Variants in AFF1 observed in about 807,000 individuals in gnomAD.
AFF1 encodes the protein AF4/FMR2 family member 1.
In AFF1, 48 loss-of-function variants were observed where a neutral mutation model predicts 121.7. The observed-to-expected ratio is 0.39, with a 90% CI of 0.31 to 0.50. The LOEUF (loss-of-function observed/expected upper bound fraction) is 0.50. AFF1 is among the 20% of genes least tolerant of loss of function. The pLI, the probability that AFF1 is intolerant of heterozygous loss-of-function variation, is 0.76. For synonymous variants in AFF1, 613 were observed against 563.0 expected, an observed-to-expected ratio of 1.09 and a Z score of -1.26; for missense variants, 1,523 against 1,511.7, an observed-to-expected ratio of 1.01 and a Z score of -0.12.
intron 2 of AFF1, among the ~76,000 whole-genome samples, chr4:87,012,114 A>G (rs574391841): frequency 1.1e-4 from 16 of 152,262 alleles, no homozygotes; most frequent in Admixed American, 5.9e-4. Context: ...TATTTTTTAC[A>G]TAATACCTGT....
intron 2 of AFF1, among the ~76,000 whole-genome samples, chr4:86,993,331 A>C (rs1289758518): frequency 6.6e-6 from 1 of 152,212 alleles, no homozygotes; most frequent in African/African-American, 2.4e-5. Context: ...TTTACTGATC[A>C]TTGTGGCTTG....
intron 2 of AFF1, among the ~76,000 whole-genome samples, chr4:87,012,494 A>G: frequency 6.6e-6 from 1 of 152,204 alleles, no homozygotes; most frequent in Non-Finnish European, 1.5e-5. Context: ...CGTTTTATTG[A>G]TATAGAGTGA....
intron 4 of AFF1, among the ~76,000 whole-genome samples, chr4:87,058,758 A>T (rs1315462828): frequency 1.3e-5 from 2 of 152,064 alleles, no homozygotes; most frequent in Non-Finnish European, 2.9e-5. Context: ...CCACAGCAAA[A>T]GCTCTGGAGA....
intron 2 of AFF1, among the ~76,000 whole-genome samples, chr4:87,037,439 G>A (rs1289471873): frequency 6.6e-6 from 1 of 152,084 alleles, no homozygotes; most frequent in Non-Finnish European, 1.5e-5. Flanking sequence ...AGCCTTCTGA[G>A]TAGCTGGGAT....
intron 14 of AFF1, 46 bp from the exon 15 acceptor site, chr4:87,126,980 T>C: frequency 6.6e-7 from 1 of 1,521,444 alleles, no homozygotes; most frequent in African/African-American, 1.4e-5. Context: ...AGGACAGTGG[T>C]CTTAAATGTT....
intron 1 of AFF1, chr4:86,936,035 G>A (rs1719957435): frequency 6.6e-6 from 1 of 152,144 alleles, no homozygotes; most frequent in Admixed American, 6.6e-5. Flanking sequence ...GGGCCTGCGG[G>A]CGGTTCGATA....
chr4:86,983,456 G>T (rs187602412), intron 2 of AFF1, among the ~76,000 whole-genome samples: 1 of 152,228 alleles, frequency 6.6e-6, no homozygotes, highest in African/African-American at 2.4e-5. Flanking sequence ...AACCCAGGAG[G>T]AGGCAGAGGT....
chr4:87,115,625 T>TTTTTTTTTC lies in AFF1; in HGVS notation c.2466+326_2466+327insTTTTTTTTC, dbSNP rs397994396. On this transcript the variant is annotated intron_variant, in intron 12 of 20. Coordinates refer to ENST00000395146, the MANE Select transcript of AFF1 (RefSeq NM_001166693.3). ...AACCCACCTCTTTTTTTTTTTTTTT[T>TTTTTTTTTC]CCAAAGACAGGCCCTTGCTCTGTTG... Among the ~76,000 whole-genome samples, 362 of 103,016 alleles carry TTTTTTTTTC rather than the reference T, an allele frequency of 3.5e-3. 12 individuals carry two copies. Among genetic ancestry groups the TTTTTTTTTC allele is most frequent in the African/African-American group, 9.8e-3 (298 of 30,330 alleles). 67.6% of individuals were successfully genotyped at this position (103,016 alleles called of 152,430 possible).
At chr4:86,990,795 ATATT>A (rs1485068917) in intron 2 of AFF1, among the ~76,000 whole-genome samples, 18 of 152,240 alleles carry the variant, frequency 1.2e-4, no homozygotes, top group African/African-American at 3.9e-4. Flanking sequence ...TGGGTGGAAA[ATATT>A]TATTTATTAT....
At chr4:86,993,487 A>T (rs1724886801) in intron 2 of AFF1, among the ~76,000 whole-genome samples, 1 of 152,200 alleles carries the variant, frequency 6.6e-6, no homozygotes, top group Non-Finnish European at 1.5e-5. Context: ...AGGGCAGGAA[A>T]AGCCCATAAC....
intron 2 of AFF1, among the ~76,000 whole-genome samples, chr4:87,039,651 G>A (rs1729908882): frequency 6.6e-6 from 1 of 152,212 alleles, no homozygotes; most frequent in African/African-American, 2.4e-5. Flanking sequence ...AAATGTGGAG[G>A]AGGTGGCTTG....
In AFF1 at chr4:87,138,465, G is replaced by C. The variant is rs10029915; in HGVS notation, c.*2764G>C. 0.2 allele frequency: 46,622 copies of C among 232,036 alleles called. 5,463 individuals are homozygous for C. The highest frequency in any genetic ancestry group is 0.4 in the East Asian group (6,506 of 16,436). The allele number at this position is 232,036 out of a possible 1,614,324, so 14.4% of individuals were successfully genotyped here. On this transcript the variant is annotated 3_prime_UTR_variant, in exon 21 of 21. Coordinates refer to ENST00000395146, the MANE Select transcript of AFF1 (RefSeq NM_001166693.3). ...GCATCTTAAGGAGTGAAAATAGAGT[G>C]TAAATCTTGCCTTTGGCACTACAAG...
chr4:87,024,004 G>A (rs1728280742), intron 2 of AFF1, among the ~76,000 whole-genome samples: 1 of 152,118 alleles, frequency 6.6e-6, no homozygotes, highest in Admixed American at 6.5e-5. Context: ...TATGGTAATA[G>A]CAGTCTTTTA....
At chr4:87,007,625 GGA>G (rs1320703043) in intron 2 of AFF1, among the ~76,000 whole-genome samples, 1 of 152,176 alleles carries the variant, frequency 6.6e-6, no homozygotes, top group Non-Finnish European at 1.5e-5. Flanking sequence ...TCTGCACAGC[GGA>G]GAGAGGGATG....
chr4:86,960,934 A>G (rs941150136), intron 2 of AFF1, among the ~76,000 whole-genome samples: 1 of 152,198 alleles, frequency 6.6e-6, no homozygotes, highest in Non-Finnish European at 1.5e-5. Context: ...CATGTTTAGT[A>G]ATCACCTTCT....
chr4:87,064,582 A>T (rs868583749), intron 4 of AFF1, among the ~76,000 whole-genome samples: 3 of 152,126 alleles, frequency 2.0e-5, no homozygotes, highest in African/African-American at 7.2e-5. Context: ...TCTACAAAAC[A>T]TTTTAAAAAT....
chr4:87,101,793 C>G (rs550126551), intron 8 of AFF1, among the ~76,000 whole-genome samples: 1 of 152,274 alleles, frequency 6.6e-6, no homozygotes, highest in South Asian at 2.1e-4. Flanking sequence ...CTGTGACTTA[C>G]TAATTTTAAG....
chr4:87,127,728 T>C (rs1728429027), intron 16 of AFF1, 25 bp downstream of exon 16: 2 of 1,610,082 alleles, frequency 1.2e-6, no homozygotes, highest in African/African-American at 1.3e-5. Context: ...TTTATCTCTT[T>C]GGTAGAATGT....
intron 19 of AFF1, among the ~76,000 whole-genome samples, chr4:87,133,559 C>T (rs1458511967): frequency 6.6e-6 from 1 of 152,150 alleles, no homozygotes; most frequent in Non-Finnish European, 1.5e-5. Flanking sequence ...TTACATAACT[C>T]CTTCAATCAT....
Sources: allele counts gnomAD v4.1 joint callset (sites outside exome capture counted in the v4.1 genomes callset), GRCh38; gene constraint gnomAD v4.1.1; transcripts MANE v1.5; gene names NCBI Gene and HGNC (gene_info 2026-07-23, HGNC 2026-07-21).